RAB2A: variants seen among roughly 807,000 people sequenced by gnomAD.
The protein encoded by RAB2A is ras-related protein Rab-2A.
RAB2A carries 7 observed loss-of-function variants against 32.5 expected under a neutral mutation model. That is an observed-to-expected ratio of 0.22 (90% CI 0.12 to 0.40). The LOEUF is 0.40. RAB2A is among the 10% of genes least tolerant of loss of function. The pLI, the probability that RAB2A is intolerant of heterozygous loss-of-function variation, is 1.00. For synonymous variants in RAB2A, 79 were observed against 85.2 expected, an observed-to-expected ratio of 0.93 and a Z score of 0.40; for missense variants, 108 against 260.7, an observed-to-expected ratio of 0.41 and a Z score of 4.03.
chr8:60,576,122 T>A (rs1028471165), intron 3 of RAB2A: 5 of 428,344 alleles, frequency 1.2e-5, no homozygotes, highest in Non-Finnish European at 2.3e-5. Flanking sequence ...GAAACAGTGA[T>A]AAGAGTCTAT....
chr8:60,545,230 G>A (rs2130819949), intron 1 of RAB2A, among the ~76,000 whole-genome samples: 1 of 148,242 alleles, frequency 6.7e-6, no homozygotes, highest in South Asian at 2.1e-4. Flanking sequence ...AAATGCAAGA[G>A]GACTTAATTA....
intron 3 of RAB2A, among the ~76,000 whole-genome samples, chr8:60,583,010 G>A (rs1803786692): frequency 6.9e-6 from 1 of 145,678 alleles, no homozygotes; most frequent in African/African-American, 2.5e-5. Flanking sequence ...CGGACCCAGT[G>A]CCTAGCACAC....
At chr8:60,580,186 TGG>T (rs1382538379) in intron 3 of RAB2A, among the ~76,000 whole-genome samples, 2 of 150,442 alleles carry the variant, frequency 1.3e-5, no homozygotes, top group Non-Finnish European at 3.0e-5. Flanking sequence ...TTAGTAGAGA[TGG>T]GGTTTCACCA....
intron 1 of RAB2A, among the ~76,000 whole-genome samples, chr8:60,547,515 C>G (rs566763770): frequency 6.6e-6 from 1 of 151,002 alleles, no homozygotes; most frequent in Non-Finnish European, 1.5e-5. Flanking sequence ...GGCAGCTGGC[C>G]GGACGGGGGG....
intron 1 of RAB2A, among the ~76,000 whole-genome samples, chr8:60,536,841 G>A (rs1807565254): frequency 6.6e-6 from 1 of 152,134 alleles, no homozygotes; most frequent in Admixed American, 6.5e-5. Flanking sequence ...TGGCGCAGTG[G>A]GGGAAGAAAA....
At chr8:60,546,339 C>T (rs768336402) in intron 1 of RAB2A, among the ~76,000 whole-genome samples, 5 of 152,140 alleles carry the variant, frequency 3.3e-5, no homozygotes, top group African/African-American at 1.2e-4. Context: ...ATTTGAGGTG[C>T]AAGACTTGAC....
chr8:60,554,319 AAC>A (rs1233579296), intron 1 of RAB2A, among the ~76,000 whole-genome samples: 2 of 152,330 alleles, frequency 1.3e-5, no homozygotes, highest in African/African-American at 2.4e-5. Context: ...GAGATTGGTG[AAC>A]CATTAGAGCT....
chr8:60,549,459 G>A lies in RAB2A; in HGVS notation c.47-9393G>A, dbSNP rs566774543. On this transcript the variant is annotated intron_variant, in intron 1 of 7. Coordinates refer to ENST00000262646, the MANE Select transcript of RAB2A (RefSeq NM_002865.3). ...TGGAGACCAGCCCGGCCAACACAGC[G>A]AAACCCCGTCTCCACCAACCTTTTT... 4.4e-4 allele frequency among the ~76,000 whole-genome samples: 67 copies of A among 150,958 alleles called. No individual in the cohort carries two copies. In the East Asian group the frequency reaches 0.013, roughly 29 times the overall value.
chr8:60,621,566 TATA>T lies in RAB2A; in HGVS notation c.*800_*802del, dbSNP rs1424812912. 6.6e-6 allele frequency: 1 copy of T among 152,200 alleles called. No homozygotes were observed. The highest frequency in any genetic ancestry group is 1.5e-5 in the Non-Finnish European group (1 of 68,020). 9.4% of individuals were successfully genotyped at this position (152,200 alleles called of 1,614,324 possible). Reference sequence around the variant, plus strand: ...TGAATACTGTTGGGAAAAAACACAGTATAATGAGTGAAAAGGGCAGAAGCAAGA... The same window carrying T: ...TGAATACTGTTGGGAAAAAACACAGTATGAGTGAAAAGGGCAGAAGCAAGA... On this transcript the variant is annotated 3_prime_UTR_variant, in exon 8 of 8. Coordinates refer to ENST00000262646, the MANE Select transcript of RAB2A (RefSeq NM_002865.3).
At chr8:60,516,936 A>T, upstream of RAB2A, 1 of 333,442 alleles carries the variant, frequency 3.0e-6, no homozygotes, top group Non-Finnish European at 5.5e-6. Flanking sequence ...CGGCGGCCGC[A>T]GAACTTCCGG....
chr8:60,600,893 A>C (rs10957151), intron 6 of RAB2A, among the ~76,000 whole-genome samples: 81,187 of 152,126 alleles, frequency 0.53, 24,564 homozygotes, highest in African/African-American at 0.83. Context: ...TGTACTAATA[A>C]TGTAGTTTTG....
At chr8:60,594,431 T>C (rs532000470) in intron 6 of RAB2A, among the ~76,000 whole-genome samples, 2 of 152,190 alleles carry the variant, frequency 1.3e-5, no homozygotes, top group African/African-American at 4.8e-5. Flanking sequence ...ATAGCAGATT[T>C]CTCATCAGAA....
At chr8:60,601,688 A>T (rs1804137160) in intron 6 of RAB2A, among the ~76,000 whole-genome samples, 1 of 152,216 alleles carries the variant, frequency 6.6e-6, no homozygotes, top group Non-Finnish European at 1.5e-5. Context: ...GCTAAAGATG[A>T]AATTGTACTA....
At chr8:60,539,906 T>C (rs374491901) in intron 1 of RAB2A, among the ~76,000 whole-genome samples, 1 of 152,042 alleles carries the variant, frequency 6.6e-6, no homozygotes, top group African/African-American at 2.4e-5. Flanking sequence ...CGGTCCAGTT[T>C]AACTTTAGTA....
chr8:60,551,390 G>A (rs1247660782), intron 1 of RAB2A, among the ~76,000 whole-genome samples: 1 of 152,220 alleles, frequency 6.6e-6, no homozygotes, highest in Non-Finnish European at 1.5e-5. Context: ...AACAGACATA[G>A]TAATAGTGTT....
chr8:60,566,460 G>GT (rs1052878922), intron 2 of RAB2A, among the ~76,000 whole-genome samples: 5 of 151,946 alleles, frequency 3.3e-5, no homozygotes, highest in Admixed American at 2.6e-4. Context: ...GGGATAACTA[G>GT]TTTTTTTGTT....
chr8:60,529,004 A>C (rs1449056174), intron 1 of RAB2A, among the ~76,000 whole-genome samples: 2 of 152,224 alleles, frequency 1.3e-5, no homozygotes, highest in Non-Finnish European at 2.9e-5. Context: ...CAAGTAAAAC[A>C]GTGTAACAGA....
Position 60,600,763 on chromosome 8 carries a change from C to T in RAB2A, c.474+8794C>T, listed in dbSNP as rs554291559. 5.9e-5 allele frequency among the ~76,000 whole-genome samples: 9 copies of T among 152,316 alleles called. 1 individual carries two copies. The highest frequency in any genetic ancestry group is 8.8e-5 in the Non-Finnish European group (6 of 68,026). On this transcript the variant is annotated intron_variant, in intron 6 of 7. Coordinates refer to ENST00000262646, the MANE Select transcript of RAB2A (RefSeq NM_002865.3). Reference sequence around the variant, plus strand: ...GAAGGGGGAAACTACAGATACTATACAGCAATCTGGATAAATCTGGAGAGA... The same window carrying T: ...GAAGGGGGAAACTACAGATACTATATAGCAATCTGGATAAATCTGGAGAGA...
At chr8:60,530,657 A>G (rs1014060426) in intron 1 of RAB2A, among the ~76,000 whole-genome samples, 1 of 152,116 alleles carries the variant, frequency 6.6e-6, no homozygotes, top group Non-Finnish European at 1.5e-5. Context: ...TAAAAATTTC[A>G]ATCTAGGAGT....
Sources: allele counts gnomAD v4.1 joint callset (sites outside exome capture counted in the v4.1 genomes callset), GRCh38; gene constraint gnomAD v4.1.1; transcripts MANE v1.5; gene names NCBI Gene and HGNC (gene_info 2026-07-23, HGNC 2026-07-21).